CELF2: variants seen among roughly 807,000 people sequenced by gnomAD.
CELF2 encodes CUGBP Elav-like family member 2.
In CELF2, 8 loss-of-function variants were observed where a neutral mutation model predicts 62.6. The ratio of observed to expected loss-of-function variants is 0.13; its 90% CI spans 0.07 to 0.23. The LOEUF (loss-of-function observed/expected upper bound fraction) is 0.23, where lower values mean the gene tolerates loss of function less well. Ranked by LOEUF, CELF2 falls within the 10% of genes least tolerant of loss-of-function variation. The pLI, the probability that CELF2 is intolerant of heterozygous loss-of-function variation, is 1.00. For synonymous variants in CELF2, 258 were observed against 250.0 expected, an observed-to-expected ratio of 1.03 and a Z score of -0.30; for missense variants, 333 against 671.0, an observed-to-expected ratio of 0.50 and a Z score of 5.56.
the CELF2 span, among the ~76,000 whole-genome samples, chr10:10,486,373 G>A: frequency 7.9e-4 from 120 of 152,298 alleles, 1 homozygote; most frequent in African/African-American, 2.7e-3. Flanking sequence ...TTGTGATCTA[G>A]AGAGAGCAAC....
At chr10:11,249,051 T>C (rs11257030) in intron 3 of CELF2, 102 bp from the exon 4 acceptor site, 10,720 of 877,668 alleles carry the variant, frequency 0.012, 93 homozygotes, top group Middle Eastern at 0.019. Flanking sequence ...TTGTCACTTA[T>C]GTGCCCTTAA....
chr10:10,763,062 G>A, the CELF2 span, among the ~76,000 whole-genome samples: 1 of 152,184 alleles, frequency 6.6e-6, no homozygotes, highest in South Asian at 2.1e-4. Flanking sequence ...TTCTACATGC[G>A]ATCTCTGCTT....
In CELF2 at chr10:10,803,910, G is replaced by A. The variant is rs377049987; in HGVS notation, c.53+5093G>A. ...CCATGGGGCCAGGGGCTTTGTATAT[G>A]TCATTCACATCCCACCCCTAGTATT... On this transcript the variant is annotated intron_variant, in intron 1 of 13. Transcript: ENST00000636488. 6.6e-5 allele frequency among the ~76,000 whole-genome samples: 10 copies of A among 152,292 alleles called. No individual in the cohort carries two copies. The East Asian group carries it at 1.5e-3, about 23-fold the overall frequency.
chr10:10,904,814 T>G (rs1484568688), intron 1 of CELF2, among the ~76,000 whole-genome samples: 1 of 152,230 alleles, frequency 6.6e-6, no homozygotes. Flanking sequence ...ACTTCTAATG[T>G]GCATATATAC....
At chr10:10,989,961 C>A (rs1208950497) in intron 2 of CELF2, among the ~76,000 whole-genome samples, 1 of 152,036 alleles carries the variant, frequency 6.6e-6, no homozygotes, top group Non-Finnish European at 1.5e-5. Flanking sequence ...TTAAAATTAA[C>A]AGTACACTTG....
At chr10:10,821,685 G>C (rs1299540500) in intron 1 of CELF2, among the ~76,000 whole-genome samples, 1 of 152,112 alleles carries the variant, frequency 6.6e-6, no homozygotes, top group African/African-American at 2.4e-5. Context: ...TTGCTCTGTT[G>C]CCCGGGCTGG....
the CELF2 span, among the ~76,000 whole-genome samples, chr10:10,759,505 T>G: frequency 6.6e-6 from 1 of 152,088 alleles, no homozygotes; most frequent in East Asian, 1.9e-4. Flanking sequence ...AGACAGGGTT[T>G]CACCATGTTG....
chr10:10,540,561 G>A, the CELF2 span, among the ~76,000 whole-genome samples: 3 of 152,052 alleles, frequency 2.0e-5, no homozygotes, highest in Non-Finnish European at 4.4e-5. Flanking sequence ...TGACTAAACA[G>A]GAGGTTGCAG....
the CELF2 span, among the ~76,000 whole-genome samples, chr10:10,688,970 C>A: frequency 6.6e-6 from 1 of 151,812 alleles, no homozygotes. Context: ...CACCACTGCA[C>A]CCCAGGCTGG....
intron 1 of CELF2, among the ~76,000 whole-genome samples, chr10:10,889,205 C>T (rs1246701074): frequency 1.3e-5 from 2 of 152,198 alleles, no homozygotes; most frequent in Non-Finnish European, 2.9e-5. Context: ...AAGGGATTTT[C>T]ACTCTGAAAT....
At chr10:10,826,015 T>C (rs1277793898) in intron 1 of CELF2, among the ~76,000 whole-genome samples, 1 of 152,204 alleles carries the variant, frequency 6.6e-6, no homozygotes, top group Non-Finnish European at 1.5e-5. Context: ...ATATTAATCC[T>C]TACAGCAGGA....
intron 1 of CELF2, among the ~76,000 whole-genome samples, chr10:10,826,423 C>A (rs1197488100): frequency 6.6e-6 from 1 of 152,120 alleles, no homozygotes; most frequent in Admixed American, 6.5e-5. Context: ...TACAGGACAT[C>A]CAGTTAAATT....
chr10:10,754,392 T>C, the CELF2 span, among the ~76,000 whole-genome samples: 1 of 152,064 alleles, frequency 6.6e-6, no homozygotes, highest in African/African-American at 2.4e-5. Flanking sequence ...ACTTGAGCAG[T>C]CCTCTCGCTT....
At chr10:11,200,775 T>C (rs2059040127) in intron 2 of CELF2, among the ~76,000 whole-genome samples, 1 of 152,168 alleles carries the variant, frequency 6.6e-6, no homozygotes, top group Non-Finnish European at 1.5e-5. Flanking sequence ...TTTTGAAACC[T>C]GCTAGCAAAA....
chr10:10,970,095 G>A (rs374589214), intron 2 of CELF2, among the ~76,000 whole-genome samples: 1 of 152,008 alleles, frequency 6.6e-6, no homozygotes. Context: ...TTGAGACAGG[G>A]TCTCACTCTG....
At chr10:10,881,733 G>C (rs549943130) in intron 1 of CELF2, among the ~76,000 whole-genome samples, 1 of 135,608 alleles carries the variant, frequency 7.4e-6, no homozygotes, top group South Asian at 2.6e-4. Flanking sequence ...GAGTCCACCC[G>C]GTGCTGCTAG....
At chr10:10,785,085 T>C in the CELF2 span, among the ~76,000 whole-genome samples, 1 of 152,222 alleles carries the variant, frequency 6.6e-6, no homozygotes, top group Non-Finnish European at 1.5e-5. Flanking sequence ...CTGTCAAATA[T>C]AAGATGAATA....
At chr10:11,180,528 G>A (rs1465528290) in intron 2 of CELF2, among the ~76,000 whole-genome samples, 1 of 152,190 alleles carries the variant, frequency 6.6e-6, no homozygotes, top group Non-Finnish European at 1.5e-5. Context: ...GGAAACCCAA[G>A]TCCGGAAACA....
intron 1 of CELF2, among the ~76,000 whole-genome samples, chr10:10,852,909 G>A (rs1212290345): frequency 6.6e-6 from 1 of 152,208 alleles, no homozygotes; most frequent in East Asian, 1.9e-4. Flanking sequence ...GTGCCTTTTA[G>A]AACACAGGGT....
Sources: allele counts gnomAD v4.1 joint callset (sites outside exome capture counted in the v4.1 genomes callset), GRCh38; gene constraint gnomAD v4.1.1; transcripts MANE v1.5; gene names NCBI Gene and HGNC (gene_info 2026-07-23, HGNC 2026-07-21).